Variants in RNF130 observed in about 807,000 individuals in gnomAD.
RNF130 encodes the protein E3 ubiquitin-protein ligase RNF130.
RNF130 carries 21 observed loss-of-function variants against 44.6 expected under a neutral mutation model. The observed-to-expected ratio is 0.47, with a 90% CI of 0.33 to 0.68. The LOEUF (loss-of-function observed/expected upper bound fraction) is 0.68. Ranked by LOEUF, RNF130 falls within the 30% of genes least tolerant of loss-of-function variation. The pLI, the probability that RNF130 is intolerant of heterozygous loss-of-function variation, is 0.02. For synonymous variants in RNF130, 214 were observed against 210.4 expected (o/e 1.02, Z -0.15); for missense variants, 479 against 560.6 (o/e 0.85, Z 1.47).
chr5:179,998,859 T>TTATATATATATATATATATATATATATA (rs61232613), intron 3 of RNF130, among the ~76,000 whole-genome samples: 22 of 88,712 alleles, frequency 2.5e-4, no homozygotes, highest in South Asian at 6.1e-4. Context: ...CTAGTATTTT[T>TTATATATATATATATATATATATATATA]TATATATATA....
At chr5:180,060,288 A>C (rs142659412) in intron 1 of RNF130, among the ~76,000 whole-genome samples, 54 of 152,362 alleles carry the variant, frequency 3.5e-4, no homozygotes, top group African/African-American at 1.3e-3. Context: ...TGCGGCAATA[A>C]GAAACTAACA....
chr5:180,056,856 C>T (rs1441429535), intron 1 of RNF130, among the ~76,000 whole-genome samples: 1 of 152,188 alleles, frequency 6.6e-6, no homozygotes, highest in South Asian at 2.1e-4. Flanking sequence ...ACCACTGCTA[C>T]ATGCAGTAAC....
chr5:180,010,722 T>C (rs946865710), intron 3 of RNF130, among the ~76,000 whole-genome samples: 1 of 152,048 alleles, frequency 6.6e-6, no homozygotes, highest in Non-Finnish European at 1.5e-5. Context: ...AACAGATTCC[T>C]GGTAGATTAG....
chr5:179,966,961 G>T lies in RNF130; in HGVS notation c.995C>A (p.Thr332Asn). 1 of 1,614,252 alleles carries T rather than the reference G, an allele frequency of 6.2e-7. No homozygotes were observed. Among genetic ancestry groups the T allele is most frequent in the Non-Finnish European group, 8.5e-7 (1 of 1,180,046 alleles). The change falls in exon 7 of 9, where the codon ACC becomes AAC. Residue 332 changes from threonine (T) to asparagine (N), a missense_variant. Coordinates refer to ENST00000521389, the MANE Select transcript of RNF130 (RefSeq NM_018434.6). ...TCTTCGGTTAACAGCTTGGGTTCTG[G>T]TGAGCCTTTCCATATCGAATGCTAC... Reference protein sequence around the residue: ...DNVAFDMERLTRTQAVNRRSA... With the variant: ...DNVAFDMERLNRTQAVNRRSA...
At chr5:179,967,185 A>G (rs1193319715) in intron 6 of RNF130, among the ~76,000 whole-genome samples, 175 bp from the exon 7 acceptor site, 1 of 151,918 alleles carries the variant, frequency 6.6e-6, no homozygotes, top group African/African-American at 2.4e-5. Context: ...TCACCCTAAG[A>G]GTTTTTCTTC....
At chr5:180,016,096 A>G (rs374593709) in intron 2 of RNF130, among the ~76,000 whole-genome samples, 89 of 152,314 alleles carry the variant, frequency 5.8e-4, no homozygotes, top group African/African-American at 2.0e-3. Context: ...CGGGCAGAGG[A>G]GCCCGACCCT....
intron 3 of RNF130, among the ~76,000 whole-genome samples, chr5:180,010,226 G>A (rs184402984): frequency 4.5e-5 from 5 of 110,844 alleles, no homozygotes; most frequent in Admixed American, 4.2e-4. Flanking sequence ...CAGCCTCGGC[G>A]ACAGTGAGAC....
chr5:180,049,268 T>C (rs971642813), intron 1 of RNF130, among the ~76,000 whole-genome samples: 5 of 152,138 alleles, frequency 3.3e-5, no homozygotes, highest in Non-Finnish European at 4.4e-5. Flanking sequence ...ACATGAGCTA[T>C]TTGGGAGTGG....
intron 3 of RNF130, among the ~76,000 whole-genome samples, chr5:180,003,893 A>G (rs966734517): frequency 2.0e-5 from 3 of 152,222 alleles, no homozygotes; most frequent in African/African-American, 7.2e-5. Context: ...TTAGTAATAT[A>G]TAATAATAAA....
chr5:180,071,752 G>T lies in RNF130; in HGVS notation c.-50C>A. 1 of 1,098,932 alleles carries T rather than the reference G, an allele frequency of 9.1e-7. No homozygotes were observed. The highest frequency in any genetic ancestry group is 1.7e-5 in the African/African-American group (1 of 59,524). The allele number at this position is 1,098,932 out of a possible 1,614,324, so 68.1% of individuals were successfully genotyped here. A position where few individuals can be genotyped will look rare whatever the true frequency, so the allele number is the denominator to read the frequency against. ...TCGCGGACCGGGCTCCGGGGCCGGC[G>T]CCTAGAGGCGGGGCGGGCGCGGCCC... On this transcript the variant is annotated 5_prime_UTR_variant, in exon 1 of 9. Coordinates refer to ENST00000521389, the MANE Select transcript of RNF130 (RefSeq NM_018434.6).
At chr5:179,930,799 G>C (rs1761797260) in intron 7 of RNF130, among the ~76,000 whole-genome samples, 3 of 152,046 alleles carry the variant, frequency 2.0e-5, no homozygotes, top group Admixed American at 1.3e-4. Context: ...AGCACTTTGG[G>C]AGGCCAAGGT....
intron 1 of RNF130, among the ~76,000 whole-genome samples, chr5:180,060,050 G>A (rs1221353135): frequency 6.6e-6 from 1 of 152,212 alleles, no homozygotes; most frequent in Non-Finnish European, 1.5e-5. Context: ...CAAAGTCAGA[G>A]ACTTGAAGAT....
chr5:180,060,773 T>G (rs534374000), intron 1 of RNF130, among the ~76,000 whole-genome samples: 1 of 152,228 alleles, frequency 6.6e-6, no homozygotes, highest in African/African-American at 2.4e-5. Context: ...ACCACTAACC[T>G]AGATGAAGAT....
chr5:179,920,793 A>ATTTTT lies in RNF130; in HGVS notation c.1151-368_1151-367insAAAAA, dbSNP rs1478029401. Among the ~76,000 whole-genome samples the ATTTTT allele has an allele frequency of 8.4e-3, 1,149 of 137,278 alleles. 20 individuals carry two copies. The highest frequency in any genetic ancestry group is 0.036 in the African/African-American group (1,097 of 30,644). The allele number at this position is 137,278 out of a possible 152,430, so 90.1% of individuals were successfully genotyped here. ...GGCATATATATTTATATATATATAT[A>ATTTTT]TATTTTTTTTTTTGAGATGGAGTTT... is the stretch of plus-strand genomic sequence containing the variant. On this transcript the variant is annotated intron_variant, in intron 7 of 7. Transcript: ENST00000522208.
At chr5:179,988,229 T>C (rs1446573082) in intron 3 of RNF130, among the ~76,000 whole-genome samples, 2 of 152,218 alleles carry the variant, frequency 1.3e-5, no homozygotes, top group African/African-American at 4.8e-5. Flanking sequence ...TGTTAGTGTA[T>C]AATTCTTCAC....
At chr5:180,063,326 G>A (rs1209861231) in intron 1 of RNF130, among the ~76,000 whole-genome samples, 2 of 152,356 alleles carry the variant, frequency 1.3e-5, no homozygotes, top group East Asian at 3.9e-4. Flanking sequence ...CATTCTAGAG[G>A]TAAATCATGA....
At chr5:179,925,566 G>A (rs1479334984) in intron 7 of RNF130, among the ~76,000 whole-genome samples, 1 of 151,852 alleles carries the variant, frequency 6.6e-6, no homozygotes, top group Non-Finnish European at 1.5e-5. Context: ...TCACTCTGTT[G>A]CCCAAGCTGG....
At position 179,966,790 on chromosome 5, in the gene RNF130, G is replaced by C; in HGVS notation, c.1150+16C>G. 4.4e-6 allele frequency: 7 copies of C among 1,608,424 alleles called. No individual in the cohort carries two copies. The highest frequency in any genetic ancestry group is 5.9e-6 in the Non-Finnish European group (7 of 1,177,080). On this transcript the variant is annotated intron_variant, in intron 7 of 8. Coordinates refer to ENST00000521389, the MANE Select transcript of RNF130 (RefSeq NM_018434.6). ...GCAGCCACATGCCCTGTGCCTGAGC[G>C]GAGGCCCCCACTTACTTGTTACTGC...
downstream of RNF130, among the ~76,000 whole-genome samples, chr5:179,950,392 C>T (rs1411423197): frequency 6.6e-6 from 1 of 152,188 alleles, no homozygotes; most frequent in African/African-American, 2.4e-5. Flanking sequence ...GTTGGGATTA[C>T]AGGTGTGAGC....
Sources: allele counts gnomAD v4.1 joint callset (sites outside exome capture counted in the v4.1 genomes callset), GRCh38; gene constraint gnomAD v4.1.1; transcripts MANE v1.5; gene names NCBI Gene and HGNC (gene_info 2026-07-23, HGNC 2026-07-21).